The following RBFOX1 variants were observed in gnomAD, a reference collection of about 807,000 sequenced individuals.
RBFOX1 encodes RNA binding protein fox-1 homolog 1.
RBFOX1 carries 8 observed loss-of-function variants against 57.7 expected under a neutral mutation model. The ratio of observed to expected loss-of-function variants is 0.14; its 90% CI spans 0.08 to 0.25. The LOEUF (loss-of-function observed/expected upper bound fraction) is 0.25. Among genes scored for constraint, RBFOX1 ranks in the 10% least tolerant of loss-of-function variants. The pLI is 1.00. For synonymous variants in RBFOX1, 326 were observed against 222.4 expected (o/e 1.47, Z -4.15); for missense variants, 611 against 548.5 (o/e 1.11, Z -1.14).
intron 14 of RBFOX1, among the ~76,000 whole-genome samples, chr16:7,694,613 C>G (rs190528409): frequency 6.6e-6 from 1 of 152,172 alleles, no homozygotes; most frequent in Non-Finnish European, 1.5e-5. Flanking sequence ...CCTCTTAACC[C>G]CTAGACTCGT....
chr16:6,082,417 A>G (rs748910385), intron 1 of RBFOX1, among the ~76,000 whole-genome samples: 17 of 120,612 alleles, frequency 1.4e-4, no homozygotes, highest in East Asian at 2.4e-4. Flanking sequence ...CTGATCTTGA[A>G]CTCCTGACCT....
At chr16:7,554,013 G>A (rs1399197738) in intron 5 of RBFOX1, among the ~76,000 whole-genome samples, 1 of 152,184 alleles carries the variant, frequency 6.6e-6, no homozygotes, top group Non-Finnish European at 1.5e-5. Context: ...GGAGGCTGCA[G>A]TGAGGGGATC....
At chr16:6,845,399 G>A (rs1254145430) in intron 3 of RBFOX1, among the ~76,000 whole-genome samples, 1 of 151,906 alleles carries the variant, frequency 6.6e-6, no homozygotes, top group Non-Finnish European at 1.5e-5. Flanking sequence ...TCTGTGTATG[G>A]CCAGACAGTT....
intron 3 of RBFOX1, among the ~76,000 whole-genome samples, chr16:6,856,673 C>A (rs752518037): frequency 6.6e-6 from 1 of 152,042 alleles, no homozygotes; most frequent in Non-Finnish European, 1.5e-5. Flanking sequence ...CTGTATTCTT[C>A]AAGATGTTAC....
intron 1 of RBFOX1, among the ~76,000 whole-genome samples, chr16:6,108,216 CT>C (rs2096405031): frequency 6.6e-6 from 1 of 152,118 alleles, no homozygotes; most frequent in African/African-American, 2.4e-5. Context: ...TAGACCCAAG[CT>C]TTTTCTCCTT....
At chr16:6,206,985 A>AC (rs943627627) in intron 1 of RBFOX1, among the ~76,000 whole-genome samples, 2 of 45,704 alleles carry the variant, frequency 4.4e-5, no homozygotes, top group Non-Finnish European at 1.0e-4. Context: ...TCAGAAAGCT[A>AC]CTTTTTTTTT....
intron 4 of RBFOX1, among the ~76,000 whole-genome samples, chr16:5,996,713 G>A (rs2060496676): frequency 6.6e-6 from 1 of 152,018 alleles, no homozygotes; most frequent in African/African-American, 2.4e-5. Context: ...GAGAACTGTG[G>A]GATTTAACTG....
At chr16:5,386,830 C>G (rs1037865093) in intron 1 of RBFOX1, among the ~76,000 whole-genome samples, 3 of 152,314 alleles carry the variant, frequency 2.0e-5, no homozygotes, top group Admixed American at 2.0e-4. Flanking sequence ...GTGGGCGGAT[C>G]ACCTGAGGTC....
intron 4 of RBFOX1, among the ~76,000 whole-genome samples, chr16:5,941,551 T>A (rs2059278381): frequency 1.3e-5 from 2 of 151,718 alleles, no homozygotes; most frequent in African/African-American, 4.8e-5. Context: ...GAGGGTCCCA[T>A]GAGAGCAGAA....
chr16:6,066,092 G>C (rs187659309), intron 1 of RBFOX1, among the ~76,000 whole-genome samples: 63 of 152,118 alleles, frequency 4.1e-4, no homozygotes, highest in Admixed American at 1.8e-3. Flanking sequence ...TTAGGAGATT[G>C]AGACCCTGCT....
chr16:5,281,492 C>T (rs1302445066), intron 1 of RBFOX1, among the ~76,000 whole-genome samples: 1 of 152,114 alleles, frequency 6.6e-6, no homozygotes, highest in Non-Finnish European at 1.5e-5. Flanking sequence ...GATTTTATAT[C>T]TAGATGAACT....
chr16:5,675,855 C>T (rs1037044213), intron 3 of RBFOX1, among the ~76,000 whole-genome samples: 127 of 152,232 alleles, frequency 8.3e-4, no homozygotes, highest in African/African-American at 3.1e-3. Flanking sequence ...AGATGAGGGG[C>T]ACAGAGCTCC....
chr16:5,820,383 T>C (rs1019205761), intron 3 of RBFOX1, among the ~76,000 whole-genome samples: 1 of 152,070 alleles, frequency 6.6e-6, no homozygotes, highest in Non-Finnish European at 1.5e-5. Flanking sequence ...ACAGATGACA[T>C]TGGAGAAGAG....
rs115724798 is a variant in RBFOX1, at chr16:6,366,937, A to T, written c.-64+49880A>T. ...CTTCTGACTGTGTGTCACCTTTCAC[A>T]AGGAGCATTTCCTACACTGTGAAAG... On this transcript the variant is annotated intron_variant, in intron 2 of 15. Transcript: ENST00000550418. Among the ~76,000 whole-genome samples, 637 of 152,282 alleles carry T rather than the reference A, an allele frequency of 4.2e-3. 9 individuals are homozygous for T. The highest frequency in any genetic ancestry group is 0.014 in the African/African-American group (601 of 41,558).
intron 3 of RBFOX1, among the ~76,000 whole-genome samples, chr16:6,730,425 C>CCA (rs1482769756): frequency 8.5e-6 from 1 of 117,354 alleles, no homozygotes; most frequent in Non-Finnish European, 1.9e-5. Context: ...TCTATCTCAT[C>CCA]TATATCTAAT....
Position 6,890,878 on chromosome 16 carries a change from A to T in RBFOX1, c.-15-161179A>T, listed in dbSNP as rs115353879. 3.9e-3 allele frequency among the ~76,000 whole-genome samples: 592 copies of T among 152,330 alleles called. 3 individuals are homozygous for T. Among genetic ancestry groups the T allele is most frequent in the African/African-American group, 0.014 (574 of 41,580 alleles). On this transcript the variant is annotated intron_variant, in intron 3 of 15. Transcript: ENST00000550418. Reference sequence around the variant, plus strand: ...CTCAGTAGAACTCTAAATAAAAGGGATGAAGTCAGGGGTATGAAGTGAGCA... The same window carrying T: ...CTCAGTAGAACTCTAAATAAAAGGGTTGAAGTCAGGGGTATGAAGTGAGCA...
At chr16:6,685,373 T>C (rs2059280921) in intron 3 of RBFOX1, among the ~76,000 whole-genome samples, 1 of 150,024 alleles carries the variant, frequency 6.7e-6, no homozygotes, top group African/African-American at 2.5e-5. Flanking sequence ...CCTCCCAGGT[T>C]CAAGCAATTC....
At position 7,060,612 on chromosome 16, in the gene RBFOX1, C is replaced by T. The variant is rs997500068; in HGVS notation, c.27+8514C>T. Among the ~76,000 whole-genome samples, 33 of 152,084 alleles carry T rather than the reference C, an allele frequency of 2.2e-4. 1 individual carries two copies. Among genetic ancestry groups the T allele is most frequent in the Admixed American group, 5.9e-4 (9 of 15,268 alleles). On this transcript the variant is annotated intron_variant, in intron 4 of 15. Coordinates refer to ENST00000550418, the MANE Select transcript of RBFOX1 (RefSeq NM_018723.4). Reference sequence around the variant, plus strand: ...TAAAATTATGCTTATTTTTATGTTCCAACCCTAATGACTCAGAACCCCATC... The same window carrying T: ...TAAAATTATGCTTATTTTTATGTTCTAACCCTAATGACTCAGAACCCCATC...
At chr16:5,846,882 A>G (rs545520369) in intron 3 of RBFOX1, among the ~76,000 whole-genome samples, 7 of 152,292 alleles carry the variant, frequency 4.6e-5, no homozygotes, top group Admixed American at 1.3e-4. Context: ...ACATTTTGCA[A>G]ACAGCCCAGC....
Sources: allele counts gnomAD v4.1 joint callset (sites outside exome capture counted in the v4.1 genomes callset), GRCh38; gene constraint gnomAD v4.1.1; transcripts MANE v1.5; gene names NCBI Gene and HGNC (gene_info 2026-07-23, HGNC 2026-07-21).